The following SLC4A4 variants were observed in gnomAD, a reference collection of about 807,000 sequenced individuals.
SLC4A4 encodes the protein electrogenic sodium bicarbonate cotransporter 1.
In SLC4A4, 27 loss-of-function variants were observed where a neutral mutation model predicts 111.5. The ratio of observed to expected loss-of-function variants is 0.24; its 90% CI spans 0.18 to 0.33. The LOEUF (loss-of-function observed/expected upper bound fraction) is 0.33, where lower values mean the gene tolerates loss of function less well. Among genes scored for constraint, SLC4A4 ranks in the 10% least tolerant of loss-of-function variants. The probability of loss-of-function intolerance (pLI) is 1.00; values close to 1 mark genes in which losing one functional copy is unlikely to be tolerated. For synonymous variants in SLC4A4, 443 were observed against 463.4 expected (o/e 0.96, Z 0.57); for missense variants, 909 against 1,315.5 (o/e 0.69, Z 4.78).
At position 71,349,783 on chromosome 4, in the gene SLC4A4, C is replaced by T; in HGVS notation, c.390-129C>T. ...ATTATGTAATTAATGATCTAATAAG[C>T]TATTAATACTCCACAAAAAGAGACA... On this transcript the variant is annotated intron_variant, in intron 4 of 25. Transcript: ENST00000264485. The T allele has an allele frequency of 9.0e-6, 7 of 781,450 alleles. No homozygotes were observed. The South Asian group carries it at 1.0e-4, about 12-fold the overall frequency. 48.4% of individuals were successfully genotyped at this position (781,450 alleles called of 1,614,324 possible).
intron 3 of SLC4A4, among the ~76,000 whole-genome samples, chr4:71,331,227 C>G (rs1225774363): frequency 6.6e-6 from 1 of 152,164 alleles, no homozygotes; most frequent in African/African-American, 2.4e-5. Flanking sequence ...CATCCCATTA[C>G]TGGGTATATA....
At chr4:71,458,393 A>C (rs1726492143) in intron 12 of SLC4A4, among the ~76,000 whole-genome samples, 1 of 152,136 alleles carries the variant, frequency 6.6e-6, no homozygotes, top group Admixed American at 6.6e-5. Flanking sequence ...TTTTAATTTA[A>C]ATCTACATTG....
chr4:71,414,386 C>T (rs1721656175), intron 7 of SLC4A4, among the ~76,000 whole-genome samples: 1 of 152,188 alleles, frequency 6.6e-6, no homozygotes, highest in African/African-American at 2.4e-5. Context: ...TAGGGTGGAG[C>T]AAAGGGTGGG....
chr4:71,311,263 C>T (rs1303480406), intron 3 of SLC4A4, among the ~76,000 whole-genome samples: 2 of 152,160 alleles, frequency 1.3e-5, no homozygotes, highest in East Asian at 3.9e-4. Context: ...TAACACCCCA[C>T]TGTCAATATT....
At chr4:71,443,176 A>G (rs1411413604) in intron 8 of SLC4A4, among the ~76,000 whole-genome samples, 1 of 138,382 alleles carries the variant, frequency 7.2e-6, no homozygotes, top group African/African-American at 2.8e-5. Context: ...GGGGTGATAG[A>G]GTCTTGCTGT....
At chr4:71,284,239 T>C (rs550404572) in intron 3 of SLC4A4, among the ~76,000 whole-genome samples, 2 of 152,368 alleles carry the variant, frequency 1.3e-5, no homozygotes, top group African/African-American at 4.8e-5. Context: ...CTACTTAAAA[T>C]GTTTTTCATT....
At chr4:71,503,225 C>T (rs1002023814) in intron 16 of SLC4A4, among the ~76,000 whole-genome samples, 33 of 150,736 alleles carry the variant, frequency 2.2e-4, no homozygotes, top group Non-Finnish European at 4.4e-5. Context: ...CTCTAGTAGG[C>T]AAACTATAGT....
chr4:71,156,706 CAT>C (rs1217673526), intron 2 of SLC4A4, among the ~76,000 whole-genome samples: 1 of 151,698 alleles, frequency 6.6e-6, no homozygotes. Flanking sequence ...AGATACATAA[CAT>C]AACAGCCCTT....
chr4:71,090,014 C>G (rs1036235573), intron 1 of SLC4A4, among the ~76,000 whole-genome samples: 1 of 151,210 alleles, frequency 6.6e-6, no homozygotes, highest in Admixed American at 6.6e-5. Context: ...CAGAGGCAGG[C>G]AGGCCTCCTG....
rs187341247 is a variant in SLC4A4, at chr4:71,392,991, C to T, written c.731-4586C>T. Among the ~76,000 whole-genome samples the T allele has an allele frequency of 7.2e-5, 11 of 152,134 alleles. No homozygotes were observed. In the East Asian group the frequency reaches 1.5e-3, roughly 21 times the overall value. ...ATCCCTTTCTGATTAAAACTCTCAACAAAATTGGCATACAAGGGACGTACC... is the reference window on the plus strand; with the variant it reads ...ATCCCTTTCTGATTAAAACTCTCAATAAAATTGGCATACAAGGGACGTACC... On this transcript the variant is annotated intron_variant, in intron 6 of 25. Coordinates refer to ENST00000264485, the MANE Select transcript of SLC4A4 (RefSeq NM_001098484.3).
intron 7 of SLC4A4, among the ~76,000 whole-genome samples, chr4:71,428,392 A>C (rs1234900633): frequency 1.3e-5 from 2 of 152,084 alleles, no homozygotes; most frequent in Non-Finnish European, 2.9e-5. Context: ...AAACCAAGAC[A>C]TTTTTGAGAA....
At chr4:71,267,898 T>C (rs1451630362) in intron 3 of SLC4A4, among the ~76,000 whole-genome samples, 8 of 150,410 alleles carry the variant, frequency 5.3e-5, no homozygotes, top group Middle Eastern at 3.2e-3. Flanking sequence ...ATATAAGGCA[T>C]ACAGTAAGTT....
Position 71,326,401 on chromosome 4 carries a change from ACCTCTCTGAG to A in SLC4A4, c.254-12964_254-12955del, listed in dbSNP as rs1417570131. Among the ~76,000 whole-genome samples, 10 of 152,036 alleles carry A rather than the reference ACCTCTCTGAG, an allele frequency of 6.6e-5. No homozygotes were observed. The South Asian group carries it at 2.1e-3, about 32-fold the overall frequency. On this transcript the variant is annotated intron_variant, in intron 3 of 25. Transcript: ENST00000264485. The stretch of plus-strand genomic sequence containing the variant: ...TGTATGACATTGAGTAATTTGCTGA[ACCTCTCTGAG>A]CCTCATTCCTTCATGTGGTCAACAA...
chr4:71,211,908 G>A (rs764765477), intron 1 of SLC4A4, among the ~76,000 whole-genome samples: 5 of 151,674 alleles, frequency 3.3e-5, no homozygotes, highest in South Asian at 2.1e-4. Flanking sequence ...AAAATTAGAC[G>A]CTAAAAACCA....
At chr4:71,532,019 A>G in intron 16 of SLC4A4, 43 bp from the exon 17 acceptor site, 1 of 1,098,316 alleles carries the variant, frequency 9.1e-7, no homozygotes. Flanking sequence ...AAATATATGT[A>G]TCTGGTGCTA....
At position 71,350,078 on chromosome 4, in the gene SLC4A4, T is replaced by C; in HGVS notation, c.550+6T>C. On this transcript the variant is annotated splice_donor_region_variant and intron_variant, in intron 5 of 25. Transcript: ENST00000264485. The stretch of plus-strand genomic sequence containing the variant: ...TTCTCTCCCACAGTTGGTGGGTAAG[T>C]ATGCTGTTTGAATTTTATCCTATTT... 6.2e-7 allele frequency: 1 copy of C among 1,614,022 alleles called. No individual in the cohort carries two copies. The highest frequency in any genetic ancestry group is 8.5e-7 in the Non-Finnish European group (1 of 1,179,966).
At chr4:71,469,170 G>T (rs983778210) in intron 13 of SLC4A4, among the ~76,000 whole-genome samples, 3 of 151,834 alleles carry the variant, frequency 2.0e-5, no homozygotes, top group African/African-American at 7.3e-5. Context: ...ATAATAATTA[G>T]ATTCCTTCTT....
chr4:71,164,688 C>A (rs567249445), intron 2 of SLC4A4, among the ~76,000 whole-genome samples: 47 of 152,052 alleles, frequency 3.1e-4, no homozygotes, highest in Non-Finnish European at 5.9e-4. Context: ...GCAACAAAAG[C>A]CAAAATTGAC....
At chr4:71,514,329 C>A (rs891333169) in intron 16 of SLC4A4, among the ~76,000 whole-genome samples, 178 of 152,254 alleles carry the variant, frequency 1.2e-3, no homozygotes, top group African/African-American at 4.1e-3. Context: ...TCCCCCTTCA[C>A]CCTCTTCCTC....
Sources: allele counts gnomAD v4.1 joint callset (sites outside exome capture counted in the v4.1 genomes callset), GRCh38; gene constraint gnomAD v4.1.1; transcripts MANE v1.5; gene names NCBI Gene and HGNC (gene_info 2026-07-23, HGNC 2026-07-21).